PCDH11X: variants seen among roughly 807,000 people sequenced by gnomAD.
PCDH11X encodes the protein protocadherin-11 X-linked.
Under a neutral mutation model 53.3 loss-of-function variants are expected in PCDH11X, and 18 were observed. The observed-to-expected ratio is 0.34, with a 90% CI of 0.23 to 0.50. PCDH11X has a LOEUF of 0.50. Ranked by LOEUF, PCDH11X falls within the 20% of genes least tolerant of loss-of-function variation. PCDH11X has a pLI of 0.98. For missense variants in PCDH11X, 570 were observed against 1,032.4 expected, an observed-to-expected ratio of 0.55 and a Z score of 6.14; for synonymous variants, 279 against 393.3, an observed-to-expected ratio of 0.71 and a Z score of 3.44.
chrX:91,900,070 C>T (rs961522933), intron 6 of PCDH11X, among the ~76,000 whole-genome samples: 3 of 110,200 alleles, frequency 2.7e-5, no homozygotes, highest in African/African-American at 9.9e-5. Flanking sequence ...AATCACAGGG[C>T]ATGGTAATAC....
chrX:91,870,604 T>C (rs1483196331), intron 5 of PCDH11X, among the ~76,000 whole-genome samples: 2 of 110,872 alleles, frequency 1.8e-5, no homozygotes, highest in Non-Finnish European at 3.8e-5. Context: ...TTCTACAAAA[T>C]AGGTTTTGCT....
At chrX:92,194,747 A>G (rs2066264990) in intron 6 of PCDH11X, among the ~76,000 whole-genome samples, 1 of 109,730 alleles carries the variant, frequency 9.1e-6, no homozygotes, top group Non-Finnish European at 1.9e-5. Flanking sequence ...TCTCATAGAG[A>G]TATATGATCA....
chrX:92,512,695 T>C (rs1371785824), intron 10 of PCDH11X, among the ~76,000 whole-genome samples: 1 of 112,127 alleles, frequency 8.9e-6, no homozygotes, highest in African/African-American at 3.2e-5. Flanking sequence ...GGAAGAGTAA[T>C]TTTTTAAGTG....
At chrX:92,175,782 A>G (rs1019976750) in intron 6 of PCDH11X, among the ~76,000 whole-genome samples, 2,716 of 51,851 alleles carry the variant, frequency 0.052, 68 homozygotes, top group East Asian at 0.31. Context: ...GTGTGTATAT[A>G]TATACACACA....
intron 6 of PCDH11X, among the ~76,000 whole-genome samples, chrX:91,882,118 G>C (rs1939937088): frequency 9.1e-6 from 1 of 110,185 alleles, no homozygotes; most frequent in Non-Finnish European, 1.9e-5. Flanking sequence ...AAAATATATG[G>C]AACATTTATT....
intron 8 of PCDH11X, among the ~76,000 whole-genome samples, chrX:92,293,622 CAAA>C (rs10685775): frequency 5.4e-5 from 3 of 55,522 alleles, no homozygotes; most frequent in Admixed American, 4.5e-4. Flanking sequence ...GACTCCGTCT[CAAA>C]AAAAAAAAAA....
At chrX:92,183,246 AC>A (rs1330328279) in intron 6 of PCDH11X, among the ~76,000 whole-genome samples, 2 of 97,868 alleles carry the variant, frequency 2.0e-5, no homozygotes, top group African/African-American at 7.5e-5. Context: ...ATCTAGAGAA[AC>A]CTTTTTTTTT....
intron 9 of PCDH11X, among the ~76,000 whole-genome samples, chrX:92,429,786 G>C: frequency 2.1e-5 from 2 of 96,133 alleles, no homozygotes; most frequent in East Asian, 6.6e-4. Flanking sequence ...ACAGGTAATA[G>C]TAATGCATTC....
intron 10 of PCDH11X, among the ~76,000 whole-genome samples, chrX:92,505,152 C>CTTTTTTTTTTTTTTTTTTTTTTTT (rs58620449): frequency 1.4e-4 from 9 of 64,253 alleles, no homozygotes; most frequent in East Asian, 4.9e-4. Context: ...TTTCTTTTTT[C>CTTTTTTTTTTTTTTTTTTTTTTTT]TTTTTTTTTT....
At chrX:92,344,774 G>A (rs1247280771) in intron 8 of PCDH11X, among the ~76,000 whole-genome samples, 5 of 107,454 alleles carry the variant, frequency 4.7e-5, no homozygotes, top group Non-Finnish European at 9.6e-5. Flanking sequence ...ACTCAGTGGT[G>A]AATAAGAAAT....
At chrX:92,605,856 T>C (rs1199855465) in intron 10 of PCDH11X, among the ~76,000 whole-genome samples, 1 of 110,764 alleles carries the variant, frequency 9.0e-6, no homozygotes, top group East Asian at 2.8e-4. Flanking sequence ...CCTTAATTTG[T>C]AAGACAATAT....
chrX:92,209,590 T>C (rs2066543239), intron 7 of PCDH11X, among the ~76,000 whole-genome samples: 1 of 112,366 alleles, frequency 8.9e-6, no homozygotes, highest in Admixed American at 9.4e-5. Flanking sequence ...TTTCATGGGC[T>C]GGCATTGAGT....
intron 4 of PCDH11X, among the ~76,000 whole-genome samples, chrX:91,826,132 A>G (rs1936915841): frequency 8.9e-6 from 1 of 111,759 alleles, no homozygotes; most frequent in Admixed American, 9.5e-5. Flanking sequence ...ATTTGGAGTT[A>G]AAATGTATTA....
At chrX:92,156,146 TAA>T (rs2065530835) in intron 6 of PCDH11X, among the ~76,000 whole-genome samples, 1 of 107,768 alleles carries the variant, frequency 9.3e-6, no homozygotes, top group Non-Finnish European at 1.9e-5. Flanking sequence ...AAATAATAAA[TAA>T]AGAGACCATA....
chrX:91,989,278 G>C (rs750459106), intron 6 of PCDH11X, among the ~76,000 whole-genome samples: 62 of 111,058 alleles, frequency 5.6e-4, no homozygotes, highest in Admixed American at 1.0e-3. Flanking sequence ...AAGAAGAAAA[G>C]AAGGCCGGGC....
intron 6 of PCDH11X, among the ~76,000 whole-genome samples, chrX:92,191,123 G>T (rs912840319): frequency 2.7e-5 from 3 of 111,573 alleles, no homozygotes; most frequent in Admixed American, 9.6e-5. Flanking sequence ...AGCTAACATG[G>T]ATTCTATTTT....
chrX:92,504,585 G>A (rs1276762949), intron 10 of PCDH11X, among the ~76,000 whole-genome samples: 1 of 111,150 alleles, frequency 9.0e-6, no homozygotes, highest in Non-Finnish European at 1.9e-5. Flanking sequence ...CTTGGTTATT[G>A]TAAATAGTGC....
intron 5 of PCDH11X, among the ~76,000 whole-genome samples, chrX:91,850,387 C>A (rs771356624): frequency 1.8e-5 from 2 of 111,163 alleles, no homozygotes; most frequent in South Asian, 7.7e-4. Context: ...ATTTTTCTTA[C>A]AATTAGATGC....
In PCDH11X at chrX:91,983,342, G is replaced by A. The variant is rs756586794; in HGVS notation, c.3033+104069G>A. On this transcript the variant is annotated intron_variant, in intron 6 of 10. Transcript: ENST00000682573. ...TCTGTACTTGGTTTCCAGACTGCCC[G>A]TCACTTTGGTGGTCTCAGTATTGGC... 27 of 1,097,942 alleles carry A rather than the reference G, an allele frequency of 2.5e-5. No homozygotes were observed. In the Middle Eastern group the frequency reaches 1.0e-3, roughly 41 times the overall value. 90.5% of individuals were successfully genotyped at this position (1,097,942 alleles called of 1,213,427 possible).
Sources: gnomAD v4.1 joint callset for allele counts (sites outside exome capture counted in the v4.1 genomes callset) on GRCh38, gnomAD v4.1.1 for gene constraint, MANE v1.5 for transcripts, NCBI Gene and HGNC (gene_info 2026-07-23, HGNC 2026-07-21) for gene names.